The following DLGAP2 variants were observed in gnomAD, a reference collection of about 807,000 sequenced individuals.
DLGAP2 encodes the protein DLG associated protein 2.
In DLGAP2, 26 loss-of-function variants were observed where a neutral mutation model predicts 100.3. The observed-to-expected ratio is 0.26, with a 90% confidence interval of 0.19 to 0.36. The LOEUF (loss-of-function observed/expected upper bound fraction) is 0.36, where lower values mean the gene tolerates loss of function less well. Ranked by LOEUF, DLGAP2 falls within the 10% of genes least tolerant of loss-of-function variation. The pLI, the probability that DLGAP2 is intolerant of heterozygous loss-of-function variation, is 1.00. For missense variants in DLGAP2, 1,858 were observed against 1,453.2 expected, an observed-to-expected ratio of 1.28 and a Z score of -4.53; for synonymous variants, 886 against 630.1, an observed-to-expected ratio of 1.41 and a Z score of -6.08.
chr8:1,441,154 A>T (rs1270332610), intron 3 of DLGAP2, among the ~76,000 whole-genome samples: 1 of 152,172 alleles, frequency 6.6e-6, no homozygotes, highest in Non-Finnish European at 1.5e-5. Flanking sequence ...AAACAAAGAG[A>T]TGTATTAATA....
At chr8:972,712 G>C (rs1461167600) in intron 2 of DLGAP2, among the ~76,000 whole-genome samples, 3 of 152,078 alleles carry the variant, frequency 2.0e-5, no homozygotes, top group Non-Finnish European at 4.4e-5. Flanking sequence ...GGAAAGATCA[G>C]CAGATAAACA....
intron 2 of DLGAP2, among the ~76,000 whole-genome samples, chr8:1,131,110 A>C (rs993531149): frequency 6.6e-6 from 1 of 152,146 alleles, no homozygotes; most frequent in African/African-American, 2.4e-5. Context: ...TATAAAATGC[A>C]CTCATTTTAT....
intron 3 of DLGAP2, among the ~76,000 whole-genome samples, chr8:1,452,672 G>A (rs930621279): frequency 7.9e-5 from 12 of 152,216 alleles, no homozygotes; most frequent in African/African-American, 2.9e-4. Flanking sequence ...AACATTATCA[G>A]CAAAGGCTCT....
intron 6 of DLGAP2, among the ~76,000 whole-genome samples, chr8:1,570,019 C>T (rs561605573): frequency 1.2e-4 from 19 of 152,294 alleles, no homozygotes; most frequent in South Asian, 6.2e-4. Context: ...AGGAAGAAAA[C>T]GGCCAGGACT....
Position 1,429,433 on chromosome 8 carries a change from G to T in DLGAP2, c.107-71933G>T, listed in dbSNP as rs547606723. 2.0e-5 allele frequency among the ~76,000 whole-genome samples: 3 copies of T among 152,282 alleles called. No homozygotes were observed. The East Asian group carries it at 5.8e-4, about 29-fold the overall frequency. On this transcript the variant is annotated intron_variant, in intron 3 of 14. Coordinates refer to ENST00000637795, the MANE Select transcript of DLGAP2 (RefSeq NM_001346810.2). Reference sequence around the variant, plus strand: ...CTCATGGGGTCCAGGATTGTGTCTTGTTCATTGCTGTGGCTTCCATACTAA... The same window carrying T: ...CTCATGGGGTCCAGGATTGTGTCTTTTTCATTGCTGTGGCTTCCATACTAA...
At chr8:1,476,282 C>T (rs1477292772) in intron 3 of DLGAP2, among the ~76,000 whole-genome samples, 3 of 152,154 alleles carry the variant, frequency 2.0e-5, no homozygotes, top group Non-Finnish European at 2.9e-5. Flanking sequence ...TTTTTAATCC[C>T]TCTGAAGTCT....
At chr8:1,314,976 G>C (rs1183504506) in intron 3 of DLGAP2, among the ~76,000 whole-genome samples, 1 of 152,208 alleles carries the variant, frequency 6.6e-6, no homozygotes, top group East Asian at 1.9e-4. Context: ...ACCTATCCCA[G>C]CAGTTCTAAG....
chr8:1,313,977 A>G (rs954516779), intron 3 of DLGAP2, among the ~76,000 whole-genome samples: 8 of 152,258 alleles, frequency 5.3e-5, no homozygotes, highest in African/African-American at 9.6e-5. Flanking sequence ...TAAAATTACA[A>G]TATTTCATAA....
intron 2 of DLGAP2, among the ~76,000 whole-genome samples, chr8:926,697 G>A (rs918591176): frequency 5.3e-5 from 8 of 152,230 alleles, no homozygotes; most frequent in African/African-American, 9.6e-5. Flanking sequence ...GTGGGTGGCC[G>A]CCGAGGGGCT....
chr8:759,801 C>T (rs529135470), intron 1 of DLGAP2, among the ~76,000 whole-genome samples: 7 of 152,314 alleles, frequency 4.6e-5, no homozygotes, highest in Admixed American at 3.9e-4. Context: ...AGAATTGAAA[C>T]GTTGCTTTTA....
At chr8:909,020 C>T (rs1241043866) in intron 2 of DLGAP2, among the ~76,000 whole-genome samples, 2 of 152,096 alleles carry the variant, frequency 1.3e-5, no homozygotes, top group African/African-American at 4.8e-5. Flanking sequence ...AGTAAAACAC[C>T]AGGTGTATTG....
intron 1 of DLGAP2, among the ~76,000 whole-genome samples, chr8:780,290 A>T (rs558237125): frequency 6.6e-6 from 1 of 152,314 alleles, no homozygotes; most frequent in Admixed American, 6.5e-5. Context: ...AATGTCTTCC[A>T]GGCTCATTCA....
chr8:982,897 T>TTC (rs1800378134), intron 2 of DLGAP2, among the ~76,000 whole-genome samples: 1 of 151,720 alleles, frequency 6.6e-6, no homozygotes, highest in East Asian at 1.9e-4. Flanking sequence ...TTTTTTTTTT[T>TTC]TTTTTTTTTA....
intron 1 of DLGAP2, among the ~76,000 whole-genome samples, chr8:792,035 T>A (rs1272530599): frequency 6.6e-6 from 1 of 152,238 alleles, no homozygotes; most frequent in Non-Finnish European, 1.5e-5. Flanking sequence ...ACCTGTACGA[T>A]GTTGATAGAC....
At chr8:1,417,727 A>ACGGGGAGGC in intron 3 of DLGAP2, among the ~76,000 whole-genome samples, 5 of 111,470 alleles carry the variant, frequency 4.5e-5, no homozygotes, top group African/African-American at 6.1e-5. Context: ...GAGGCTCCAG[A>ACGGGGAGGC]CACAGAAGCC....
chr8:1,088,001 C>G (rs1414074359), intron 2 of DLGAP2, among the ~76,000 whole-genome samples: 1 of 152,262 alleles, frequency 6.6e-6, no homozygotes, highest in East Asian at 1.9e-4. Context: ...TAGAGCTGCA[C>G]TTCACTGCGT....
chr8:969,276 G>T (rs1799956244), intron 2 of DLGAP2, among the ~76,000 whole-genome samples: 1 of 152,118 alleles, frequency 6.6e-6, no homozygotes, highest in Non-Finnish European at 1.5e-5. Flanking sequence ...CTTCAGACTG[G>T]AACTTCACAG....
chr8:820,663 ATG>A (rs1796566757), intron 1 of DLGAP2, among the ~76,000 whole-genome samples: 3 of 152,222 alleles, frequency 2.0e-5, no homozygotes, highest in Admixed American at 2.0e-4. Context: ...ATGGAAACCA[ATG>A]TTTTAGTAGC....
intron 1 of DLGAP2, among the ~76,000 whole-genome samples, chr8:800,438 G>A (rs1031603937): frequency 2.0e-5 from 3 of 152,212 alleles, no homozygotes; most frequent in Non-Finnish European, 4.4e-5. Flanking sequence ...ACCAACACCA[G>A]GGGCCCAGCC....
Sources: gnomAD v4.1 joint callset for allele counts (sites outside exome capture counted in the v4.1 genomes callset) on GRCh38, gnomAD v4.1.1 for gene constraint, MANE v1.5 for transcripts, NCBI Gene and HGNC (gene_info 2026-07-23, HGNC 2026-07-21) for gene names.